The following SEMA6A variants were observed in gnomAD, a reference collection of about 807,000 sequenced individuals.
SEMA6A encodes semaphorin 6A, also known as semaphorin-6A.
A neutral mutation model predicts 96.8 loss-of-function variants in SEMA6A; 25 were observed. That is an observed-to-expected ratio of 0.26 (90% confidence interval 0.19 to 0.36). The LOEUF (loss-of-function observed/expected upper bound fraction) is 0.36, where lower values mean the gene tolerates loss of function less well. SEMA6A is among the 10% of genes least tolerant of loss of function. SEMA6A has a pLI of 1.00. For missense variants in SEMA6A, 1,363 were observed against 1,323.1 expected, an observed-to-expected ratio of 1.03 and a Z score of -0.47; for synonymous variants, 612 against 518.0, an observed-to-expected ratio of 1.18 and a Z score of -2.46.
At chr5:116,478,780 T>C (rs1373917445) in intron 12 of SEMA6A, 62 bp from the exon 13 acceptor site, 2 of 1,523,542 alleles carry the variant, frequency 1.3e-6, no homozygotes, top group African/African-American at 1.4e-5. Context: ...TGTTCCCTGT[T>C]CCACTTCAAA....
intron 18 of SEMA6A, among the ~76,000 whole-genome samples, chr5:116,455,791 T>C (rs1008126260): frequency 2.0e-5 from 3 of 152,176 alleles, no homozygotes; most frequent in African/African-American, 7.2e-5. Context: ...GTTAAGAACA[T>C]ACACTTTGAG....
rs775844306 is a variant in SEMA6A, at chr5:116,447,380, C to T, written c.2326G>A (p.Glu776Lys). The change falls in exon 19 of 19, where the codon GAG becomes AAG. Residue 776 changes from glutamate (E) to lysine (K), a missense_variant. Glu to Lys is a moderately conservative substitution (Grantham distance 56). Transcript: ENST00000343348. ...ATGAGGTTCTGGTTCCTCTCCCACTCGCGGCTGCCGCGGCTGGGCTTCCGC... is the reference window on the plus strand; with the variant it reads ...ATGAGGTTCTGGTTCCTCTCCCACTTGCGGCTGCCGCGGCTGGGCTTCCGC... ...QKRKPSRGSREWERNQNLINA... is the reference protein window; with the variant it reads ...QKRKPSRGSRKWERNQNLINA... 3 of 1,614,000 alleles carry T rather than the reference C, an allele frequency of 1.9e-6. No homozygotes were observed. Among genetic ancestry groups the T allele is most frequent in the Non-Finnish European group, 2.5e-6 (3 of 1,179,892 alleles).
intron 1 of SEMA6A, among the ~76,000 whole-genome samples, chr5:116,508,510 A>G (rs755579513): frequency 6.6e-6 from 1 of 152,202 alleles, no homozygotes; most frequent in Non-Finnish European, 1.5e-5. Context: ...CACCCCTGAC[A>G]CTAGTTCTAA....
intron 11 of SEMA6A, among the ~76,000 whole-genome samples, chr5:116,482,197 C>G (rs182477642): frequency 1.6e-4 from 24 of 152,256 alleles, no homozygotes; most frequent in Non-Finnish European, 8.8e-5. Context: ...AGTGACACCT[C>G]AGATGGTTTC....
chr5:116,528,511 C>G (rs1479062805), intron 1 of SEMA6A, among the ~76,000 whole-genome samples: 2 of 152,130 alleles, frequency 1.3e-5, no homozygotes, highest in South Asian at 4.1e-4. Flanking sequence ...ACTGACTAGG[C>G]GCTCAAATAT....
At chr5:116,477,654 T>A (rs1374866013) in intron 15 of SEMA6A, among the ~76,000 whole-genome samples, 192 bp downstream of exon 15, 1 of 152,206 alleles carries the variant, frequency 6.6e-6, no homozygotes. Flanking sequence ...GATTAATCAA[T>A]TGGAAATCTG....
At chr5:116,510,662 A>G (rs1047688539) in intron 1 of SEMA6A, among the ~76,000 whole-genome samples, 2 of 152,140 alleles carry the variant, frequency 1.3e-5, no homozygotes, top group African/African-American at 4.8e-5. Flanking sequence ...ATTAGCTTCT[A>G]GTGTTCTACT....
chr5:116,546,617 C>G (rs1316071641), intron 1 of SEMA6A, among the ~76,000 whole-genome samples: 2 of 152,194 alleles, frequency 1.3e-5, no homozygotes, highest in African/African-American at 2.4e-5. Flanking sequence ...GGTTCAGGAG[C>G]AAGGCTTTAA....
chr5:116,480,053 C>A, intron 12 of SEMA6A, 69 bp downstream of exon 12: 4 of 1,545,930 alleles, frequency 2.6e-6, no homozygotes, highest in Non-Finnish European at 3.5e-6. Context: ...AAGCATGATC[C>A]ACTGATTGGT....
Position 116,487,653 on chromosome 5 carries a change from T to A in SEMA6A, c.744+455A>T, listed in dbSNP as rs184524664. On this transcript the variant is annotated intron_variant, in intron 9 of 18. Coordinates refer to ENST00000343348, the MANE Select transcript of SEMA6A (RefSeq NM_020796.5). Reference sequence around the variant, plus strand: ...CTGCAGCAGGTGAAATTACTTGAGGTCAGGAGTTCGAGACCACCCTGCCAA... The same window carrying A: ...CTGCAGCAGGTGAAATTACTTGAGGACAGGAGTTCGAGACCACCCTGCCAA... Among the ~76,000 whole-genome samples the A allele has an allele frequency of 2.3e-3, 346 of 152,128 alleles. 8 individuals are homozygous for A. The highest frequency in any genetic ancestry group is 7.8e-3 in the African/African-American group (324 of 41,514).
At chr5:116,546,792 C>T (rs930215923) in intron 1 of SEMA6A, among the ~76,000 whole-genome samples, 2 of 152,174 alleles carry the variant, frequency 1.3e-5, no homozygotes, top group Admixed American at 1.3e-4. Context: ...ACAGGGCTTC[C>T]AAAACTCAGA....
At chr5:116,535,804 G>GAA (rs1759682453) in intron 1 of SEMA6A, among the ~76,000 whole-genome samples, 1 of 152,198 alleles carries the variant, frequency 6.6e-6, no homozygotes, top group Non-Finnish European at 1.5e-5. Context: ...CTACTCTCTT[G>GAA]ATTTTTCAAC....
At chr5:116,482,219 T>G (rs1236293241) in intron 11 of SEMA6A, among the ~76,000 whole-genome samples, 1 of 152,170 alleles carries the variant, frequency 6.6e-6, no homozygotes, top group Non-Finnish European at 1.5e-5. Flanking sequence ...ACCATTGTAG[T>G]GTTACGTTGG....
intron 1 of SEMA6A, among the ~76,000 whole-genome samples, chr5:116,519,795 A>G (rs1053174187): frequency 2.0e-5 from 3 of 152,196 alleles, no homozygotes; most frequent in Non-Finnish European, 4.4e-5. Context: ...TTTCCAAAGT[A>G]CATGCCAAAT....
At position 116,448,196 on chromosome 5, in the gene SEMA6A, A is replaced by AAAAAAAAAAAAAAT. The variant is rs780426357; in HGVS notation, c.1895-386_1895-385insATTTTTTTTTTTTT. On this transcript the variant is annotated intron_variant, in intron 18 of 18. Coordinates refer to ENST00000343348, the MANE Select transcript of SEMA6A (RefSeq NM_020796.5). ...AAAAAAAAAAAAAAAAAAAAAAAAA[A>AAAAAAAAAAAAAAT]TTAGCCAGGCGCGGTGGCGGGGGCT... Among the ~76,000 whole-genome samples, 38 of 138,620 alleles carry AAAAAAAAAAAAAAT rather than the reference A, an allele frequency of 2.7e-4. 1 individual carries two copies. The highest frequency in any genetic ancestry group is 3.6e-4 in the Admixed American group (5 of 13,702). 90.9% of individuals were successfully genotyped at this position (138,620 alleles called of 152,430 possible).
chr5:116,445,860 G>C lies in SEMA6A; in HGVS notation c.*753C>G, dbSNP rs1461257610. 6.6e-6 allele frequency: 1 copy of C among 152,644 alleles called. No individual in the cohort carries two copies. Among genetic ancestry groups the C allele is most frequent in the African/African-American group, 2.4e-5 (1 of 41,454 alleles). 9.5% of individuals were successfully genotyped at this position (152,644 alleles called of 1,614,324 possible). On this transcript the variant is annotated 3_prime_UTR_variant, in exon 19 of 19. Transcript: ENST00000343348. Reference sequence around the variant, plus strand: ...GGGCTTTCTGAAGAGCTGTTCATAGGATGATATTTGGAAGAGTCCTTTCCT... The same window carrying C: ...GGGCTTTCTGAAGAGCTGTTCATAGCATGATATTTGGAAGAGTCCTTTCCT...
rs35801222 is a variant in SEMA6A, at chr5:116,466,059, T to TAA, written c.1894+1522_1894+1523dup. ...AGAAGGAGATGAGACAAAACCAGCT[T>TAA]AAAAAAAAAAAAAAAAAAAAAAAAG... On this transcript the variant is annotated intron_variant, in intron 18 of 18. Transcript: ENST00000343348. 3.7e-3 allele frequency among the ~76,000 whole-genome samples: 346 copies of TAA among 93,622 alleles called. 2 individuals are homozygous for TAA. The highest frequency in any genetic ancestry group is 5.8e-3 in the African/African-American group (136 of 23,410). The allele number at this position is 93,622 out of a possible 152,430, so 61.4% of individuals were successfully genotyped here. A position where few individuals can be genotyped will look rare whatever the true frequency, so the allele number is the denominator to read the frequency against.
At position 116,495,509 on chromosome 5, in the gene SEMA6A, C is replaced by T; in HGVS notation, c.348G>A (p.Glu116=). 1.3e-6 allele frequency: 2 copies of T among 1,588,976 alleles called. No individual in the cohort carries two copies. The highest frequency in any genetic ancestry group is 2.3e-5 in the South Asian group (2 of 87,430). The change falls in exon 6 of 19, where the codon GAG becomes GAA. Residue 116 remains glutamate, a synonymous_variant. Coordinates refer to ENST00000343348, the MANE Select transcript of SEMA6A (RefSeq NM_020796.5). Reference sequence around the variant, plus strand: ...GAAGAACTTTAATAAAGTTGTGGCACTCATCCTGAAAAATAATTCAAACTG... The same window carrying T: ...GAAGAACTTTAATAAAGTTGTGGCATTCATCCTGAAAAATAATTCAAACTG... ...TCRMKGKHKD[E]CHNFIKVLLK... is the part of the protein sequence containing the mutation.
Position 116,488,869 on chromosome 5 carries a change from CTTTTAA to C in SEMA6A, c.655+13_655+18del. The C allele has an allele frequency of 3.9e-6, 6 of 1,550,242 alleles. No individual in the cohort carries two copies. Among genetic ancestry groups the C allele is most frequent in the Non-Finnish European group, 5.2e-6 (6 of 1,146,062 alleles). ...ATTCCCCTCCCCTCCGACCCTCCTT[CTTTTAA>C]TTGTTTGTTCACCTTTCAACCATTT... On this transcript the variant is annotated intron_variant, in intron 8 of 18. Coordinates refer to ENST00000343348, the MANE Select transcript of SEMA6A (RefSeq NM_020796.5).
Sources: allele counts gnomAD v4.1 joint callset (sites outside exome capture counted in the v4.1 genomes callset), GRCh38; gene constraint gnomAD v4.1.1; transcripts MANE v1.5; gene names NCBI Gene and HGNC (gene_info 2026-07-23, HGNC 2026-07-21).